DMD: variants seen among roughly 807,000 people sequenced by gnomAD.
The protein encoded by DMD is mutant dystrophin.
Under a neutral mutation model 330.1 loss-of-function variants are expected in DMD, and 63 were observed. The ratio of observed to expected loss-of-function variants is 0.19; its 90% CI spans 0.16 to 0.24. The LOEUF is 0.24. Ranked by LOEUF, DMD falls within the 10% of genes least tolerant of loss-of-function variation. The probability of loss-of-function intolerance (pLI) is 1.00; values close to 1 mark genes in which losing one functional copy is unlikely to be tolerated. For synonymous variants in DMD, 1,223 were observed against 959.8 expected, an observed-to-expected ratio of 1.27 and a Z score of -5.07; for missense variants, 3,344 against 2,684.1, an observed-to-expected ratio of 1.25 and a Z score of -5.43.
At position 32,249,213 on chromosome X, in the gene DMD, CAT is replaced by C. The variant is rs997500362; in HGVS notation, c.6291-32152_6291-32151del. ...TTTAAATGTGAACACAACAGTAAAACATATGTTTTGTTTTCATCAATTTTATT... is the reference window on the plus strand; with the variant it reads ...TTTAAATGTGAACACAACAGTAAAACATGTTTTGTTTTCATCAATTTTATT... On this transcript the variant is annotated intron_variant, in intron 43 of 78. Transcript: ENST00000357033. 4.5e-5 allele frequency among the ~76,000 whole-genome samples: 5 copies of C among 111,752 alleles called. No homozygotes were observed. The East Asian group carries it at 8.4e-4, about 19-fold the overall frequency.
intron 1 of DMD, among the ~76,000 whole-genome samples, chrX:33,299,748 G>A (rs1246341321): frequency 9.0e-6 from 1 of 111,472 alleles, no homozygotes; most frequent in African/African-American, 3.3e-5. Flanking sequence ...TGATATTTTC[G>A]ACTTTAACTT....
At chrX:32,604,156 C>G (rs745715195) in intron 12 of DMD, among the ~76,000 whole-genome samples, 1 of 110,142 alleles carries the variant, frequency 9.1e-6, no homozygotes, top group Non-Finnish European at 1.9e-5. Context: ...ATGACAATAA[C>G]GTGAGCTTTA....
chrX:33,047,910 G>A (rs907146498), intron 1 of DMD, among the ~76,000 whole-genome samples: 2 of 111,799 alleles, frequency 1.8e-5, no homozygotes, highest in South Asian at 3.7e-4. Context: ...TTGATGAAGC[G>A]ATGTAGGGAT....
At chrX:32,820,293 T>A (rs780244175) in intron 5 of DMD, among the ~76,000 whole-genome samples, 1 of 110,347 alleles carries the variant, frequency 9.1e-6, no homozygotes, top group Non-Finnish European at 1.9e-5. Flanking sequence ...ATACAAAAAA[T>A]TAGCCGGGCG....
chrX:31,381,284 G>T (rs1386907398), intron 60 of DMD, among the ~76,000 whole-genome samples: 1 of 111,105 alleles, frequency 9.0e-6, no homozygotes, highest in Non-Finnish European at 1.9e-5. Context: ...CATAAGGACT[G>T]GGATCACGTC....
intron 1 of DMD, among the ~76,000 whole-genome samples, chrX:33,298,276 C>T (rs1184432530): frequency 3.6e-5 from 4 of 111,287 alleles, no homozygotes; most frequent in Non-Finnish European, 7.6e-5. Context: ...AGAGATAATT[C>T]CCTGTGTTAG....
chrX:31,351,296 A>G (rs984876460), intron 60 of DMD, among the ~76,000 whole-genome samples: 5 of 111,334 alleles, frequency 4.5e-5, no homozygotes, highest in Admixed American at 3.9e-4. Context: ...AATGTGGAAA[A>G]TAATATAACT....
intron 15 of DMD, among the ~76,000 whole-genome samples, chrX:32,568,125 C>A (rs774645724): frequency 9.0e-6 from 1 of 111,561 alleles, no homozygotes; most frequent in Non-Finnish European, 1.9e-5. Flanking sequence ...CCTCATGGTA[C>A]CTAAACAAAT....
intron 1 of DMD, among the ~76,000 whole-genome samples, chrX:33,270,186 GGAAAA>G (rs2053129348): frequency 9.1e-6 from 1 of 110,171 alleles, no homozygotes; most frequent in East Asian, 2.9e-4. Context: ...GGGTATTCAA[GGAAAA>G]GAAAATTATT....
Position 32,002,195 on chromosome X carries a change from G to A in DMD, c.6439-33681C>T, listed in dbSNP as rs552471326. ...TCTTTTAATTCAATGTCATTACTTC[G>A]TGTTTGTTCTCTATGGTGATGTTTA... is the stretch of plus-strand genomic sequence containing the variant. On this transcript the variant is annotated intron_variant, in intron 44 of 78. Coordinates refer to ENST00000357033, the MANE Select transcript of DMD (RefSeq NM_004006.3). 5.4e-5 allele frequency among the ~76,000 whole-genome samples: 6 copies of A among 111,614 alleles called. No homozygotes were observed. The South Asian group carries it at 1.9e-3, about 35-fold the overall frequency.
chrX:33,052,652 ATT>A (rs1368246923), intron 1 of DMD, among the ~76,000 whole-genome samples: 3 of 111,967 alleles, frequency 2.7e-5, no homozygotes, highest in Non-Finnish European at 3.8e-5. Flanking sequence ...AAAATTATAT[ATT>A]TTGAGGGTGC....
chrX:31,499,415 T>C (rs2070197867), intron 56 of DMD, among the ~76,000 whole-genome samples: 1 of 110,938 alleles, frequency 9.0e-6, no homozygotes, highest in African/African-American at 3.3e-5. Flanking sequence ...TGCTGACTCA[T>C]TATTAGTGGG....
chrX:32,676,904 TTG>T (rs2062011404), intron 9 of DMD, among the ~76,000 whole-genome samples: 1 of 111,870 alleles, frequency 8.9e-6, no homozygotes, highest in Non-Finnish European at 1.9e-5. Context: ...CTCTATTAAA[TTG>T]TGATTTTTGA....
Position 31,561,056 on chromosome X carries a change from C to T in DMD, c.8218-53603G>A, listed in dbSNP as rs149091047. The stretch of plus-strand genomic sequence containing the variant: ...ACACTTTCCAAAGGCTCCCTTTGCC[C>T]TGTTCTTAGACACGGCCCAGCATGA... On this transcript the variant is annotated intron_variant, in intron 55 of 78. Transcript: ENST00000357033. Among the ~76,000 whole-genome samples the T allele has an allele frequency of 7.1e-5, 8 of 111,923 alleles. No homozygotes were observed. In the East Asian group the frequency reaches 2.3e-3, roughly 32 times the overall value.
intron 2 of DMD, among the ~76,000 whole-genome samples, chrX:32,939,269 C>T (rs920961880): frequency 2.0e-5 from 2 of 101,167 alleles, no homozygotes; most frequent in Admixed American, 1.1e-4. Flanking sequence ...TGTGTATATA[C>T]GTGTATATAT....
At chrX:32,306,086 C>T (rs758784746) in intron 42 of DMD, among the ~76,000 whole-genome samples, 11 of 108,054 alleles carry the variant, frequency 1.0e-4, no homozygotes, top group East Asian at 2.9e-4. Flanking sequence ...CCTAGTAATA[C>T]GCAATATTTA....
intron 44 of DMD, among the ~76,000 whole-genome samples, chrX:32,088,099 A>G (rs2096452374): frequency 8.9e-6 from 1 of 112,364 alleles, no homozygotes; most frequent in Admixed American, 9.5e-5. Flanking sequence ...ACTTAAAAAT[A>G]TTTTATCCAT....
At position 31,800,399 on chromosome X, in the gene DMD, A is replaced by T. The variant is rs1225164055; in HGVS notation, c.7309+19576T>A. On this transcript the variant is annotated intron_variant, in intron 50 of 78. Coordinates refer to ENST00000357033, the MANE Select transcript of DMD (RefSeq NM_004006.3). ...CTGCACCCTCTGAAGCAACAGCCTG[A>T]GCTGTACTTTGGCTTCTTTGAGCCA... Among the ~76,000 whole-genome samples, 4 of 112,580 alleles carry T rather than the reference A, an allele frequency of 3.6e-5. No individual in the cohort carries two copies. In the East Asian group the frequency reaches 1.1e-3, roughly 32 times the overall value.
chrX:32,557,748 T>C, intron 16 of DMD, among the ~76,000 whole-genome samples: 1 of 111,196 alleles, frequency 9.0e-6, no homozygotes, highest in African/African-American at 3.3e-5. Context: ...GGAGAATCCT[T>C]GGGCAAAAGA....
Sources: gnomAD v4.1 joint callset for allele counts (sites outside exome capture counted in the v4.1 genomes callset) on GRCh38, gnomAD v4.1.1 for gene constraint, MANE v1.5 for transcripts, NCBI Gene and HGNC (gene_info 2026-07-23, HGNC 2026-07-21) for gene names.